KIF1A: variants seen among roughly 807,000 people sequenced by gnomAD.
KIF1A encodes the protein kinesin-like protein KIF1A.
KIF1A carries 46 observed loss-of-function variants against 227.3 expected under a neutral mutation model. The observed-to-expected ratio is 0.20, with a 90% CI of 0.16 to 0.26. KIF1A has a LOEUF of 0.26. Among genes scored for constraint, KIF1A ranks in the 10% least tolerant of loss-of-function variants. The pLI is 1.00. For missense variants in KIF1A, 1,683 were observed against 2,485.9 expected (o/e 0.68, Z 6.87); for synonymous variants, 1,022 against 1,012.8 (o/e 1.01, Z -0.17).
rs2054734574 is a variant in KIF1A at position 240,786,228 on chromosome 2, A to G, written c.608+107T>C. The G allele has an allele frequency of 9.7e-6, 11 of 1,134,460 alleles. No individual in the cohort carries two copies. In the South Asian group the frequency reaches 1.5e-4, roughly 16 times the overall value. 70.3% of individuals were successfully genotyped at this position (1,134,460 alleles called of 1,614,324 possible). A position where few individuals can be genotyped will look rare whatever the true frequency, so the allele number is the denominator to read the frequency against. The stretch of plus-strand genomic sequence containing the variant: ...CAGGAGGCCACACCTCCGCGGGGGC[A>G]CAGATGGACCCTACCAAAAAGGGCC... On this transcript the variant is annotated intron_variant, in intron 6 of 48. Coordinates refer to ENST00000498729, the MANE Select transcript of KIF1A (RefSeq NM_001244008.2).
intron 43 of KIF1A, 110 bp from the exon 44 acceptor site, chr2:240,721,994 G>GC (rs1328204304): frequency 1.2e-6 from 1 of 841,522 alleles, no homozygotes; most frequent in African/African-American, 1.7e-5. Flanking sequence ...GGGTTCCGAC[G>GC]CCAGAGCACA....
chr2:240,796,338 G>A (rs190310999), intron 2 of KIF1A, among the ~76,000 whole-genome samples: 7 of 152,324 alleles, frequency 4.6e-5, no homozygotes, highest in African/African-American at 9.6e-5. Flanking sequence ...TGCAGCGAGC[G>A]TTGTTGGAAA....
chr2:240,743,026 G>A, intron 33 of KIF1A, 42 bp from the exon 34 acceptor site: 1 of 1,527,548 alleles, frequency 6.5e-7, no homozygotes, highest in African/African-American at 1.4e-5. Flanking sequence ...CGGGACCCTG[G>A]GCGGGAGGGG....
intron 18 of KIF1A, 66 bp from the exon 19 acceptor site, chr2:240,767,087 G>A: frequency 7.6e-7 from 1 of 1,317,110 alleles, no homozygotes; most frequent in Non-Finnish European, 1.1e-6. Context: ...CCACCCACTG[G>A]CCTCCAGGGA....
At chr2:240,724,467 G>A (rs148122611) in intron 40 of KIF1A, 8 of 240,848 alleles carry the variant, frequency 3.3e-5, no homozygotes, top group African/African-American at 6.9e-5. Context: ...CAGACAGGTC[G>A]GTGGCATCCC....
chr2:240,753,122 A>C (rs4676448), intron 27 of KIF1A, among the ~76,000 whole-genome samples: 101,339 of 152,148 alleles, frequency 0.67, 35,475 homozygotes, highest in African/African-American at 0.9. Context: ...CTTCTGAGCT[A>C]CCCAGGACCA....
At chr2:240,796,844 C>T (rs574689613) in intron 2 of KIF1A, among the ~76,000 whole-genome samples, 1 of 152,172 alleles carries the variant, frequency 6.6e-6, no homozygotes, top group Admixed American at 6.5e-5. Flanking sequence ...GAGCAGGCCT[C>T]GGAGACTAAA....
At chr2:240,765,928 C>T in intron 19 of KIF1A, 135 bp from the exon 20 acceptor site, 1 of 665,388 alleles carries the variant, frequency 1.5e-6, no homozygotes, top group Non-Finnish European at 2.7e-6. Flanking sequence ...CAGGCCGTGA[C>T]CATTGGCAAC....
chr2:240,765,279 G>C (rs902831037), intron 20 of KIF1A, among the ~76,000 whole-genome samples: 1 of 152,134 alleles, frequency 6.6e-6, no homozygotes, highest in African/African-American at 2.4e-5. Context: ...AACCCCACCC[G>C]GGGTGCTGCA....
Position 240,789,413 on chromosome 2 carries a change from GC to G in KIF1A, c.107-102del. The G allele has an allele frequency of 2.0e-6, 2 of 992,880 alleles. No homozygotes were observed. Among genetic ancestry groups the G allele is most frequent in the Non-Finnish European group, 3.2e-6 (2 of 633,060 alleles). The allele number at this position is 992,880 out of a possible 1,614,324, so 61.5% of individuals were successfully genotyped here. ...GGGAGATGGTCTTAAGAGGCCTCGG[GC>G]CCCAGACAAGCCAGGCCCCCAAATT... On this transcript the variant is annotated intron_variant, in intron 2 of 48. Transcript: ENST00000498729. This position sits in a 1 kb window ranked among gnomAD's most constrained non-coding sequence, Gnocchi z 4.8.
In KIF1A at chr2:240,783,026, C is replaced by G. The variant is rs1342492624; in HGVS notation, c.864+18G>C. 1.2e-6 allele frequency: 2 copies of G among 1,605,348 alleles called. No individual in the cohort carries two copies. Among genetic ancestry groups the G allele is most frequent in the South Asian group, 2.2e-5 (2 of 90,948 alleles). On this transcript the variant is annotated intron_variant, in intron 9 of 48. Transcript: ENST00000498729. Reference sequence around the variant, plus strand: ...CCCTCTGGGGTTCTGGCTATGGAAGCCGGGCCGGGCCACTCACCATTTCAG... The same window carrying G: ...CCCTCTGGGGTTCTGGCTATGGAAGGCGGGCCGGGCCACTCACCATTTCAG...
chr2:240,769,117 C>G lies in KIF1A; in HGVS notation c.1497+16G>C, dbSNP rs772151034. 1.2e-5 allele frequency: 19 copies of G among 1,601,262 alleles called. No homozygotes were observed. In the South Asian group the frequency reaches 2.1e-4, roughly 18 times the overall value. On this transcript the variant is annotated intron_variant, in intron 17 of 48. Transcript: ENST00000498729. ...TTCAGATGAGGGCAGTACCACAGAA[C>G]TGAGATAGCTCCTACCTTTTTGGGA...
chr2:240,796,990 T>C (rs1159538797), intron 2 of KIF1A, among the ~76,000 whole-genome samples: 1 of 152,122 alleles, frequency 6.6e-6, no homozygotes, highest in African/African-American at 2.4e-5. Flanking sequence ...ATTGTCCACA[T>C]CCTGAAGACC....
At chr2:240,751,640 T>G (rs1175410256) in intron 27 of KIF1A, among the ~76,000 whole-genome samples, 1 of 152,092 alleles carries the variant, frequency 6.6e-6, no homozygotes, top group African/African-American at 2.4e-5. Flanking sequence ...CACCCTGCCA[T>G]GGCCCCCACA....
intron 1 of KIF1A, among the ~76,000 whole-genome samples, chr2:240,802,644 A>T (rs2057067323): frequency 6.6e-6 from 1 of 152,156 alleles, no homozygotes; most frequent in Non-Finnish European, 1.5e-5. Flanking sequence ...TATTTTGTTT[A>T]TTTAGTTTGA....
chr2:240,806,763 T>C (rs2057436623), intron 1 of KIF1A, among the ~76,000 whole-genome samples: 1 of 151,976 alleles, frequency 6.6e-6, no homozygotes, highest in African/African-American at 2.4e-5. Context: ...AATAGAAACA[T>C]GAATTTTCCT....
At chr2:240,750,653 G>T in intron 27 of KIF1A, 106 bp from the exon 28 acceptor site, 1 of 820,438 alleles carries the variant, frequency 1.2e-6, no homozygotes, top group Non-Finnish European at 2.0e-6. Context: ...GAGCTGCAAA[G>T]CAGAGGGAAG....
rs549676482 is a variant in KIF1A, at chr2:240,789,721, G to A, written c.107-409C>T. On this transcript the variant is annotated intron_variant, in intron 2 of 48. Coordinates refer to ENST00000498729, the MANE Select transcript of KIF1A (RefSeq NM_001244008.2). The surrounding 1 kb of genome is among the most constrained non-coding windows in gnomAD (Gnocchi z 4.8). ...TCAGGCCTTTATGCTCCGGCTCAGC[G>A]TGCACGTGCCCGAGAAGCGCTGGAA... Among the ~76,000 whole-genome samples, 3 of 152,132 alleles carry A rather than the reference G, an allele frequency of 2.0e-5. No individual in the cohort carries two copies. Among genetic ancestry groups the A allele is most frequent in the Middle Eastern group, 3.2e-3 (1 of 316 alleles).
intron 1 of KIF1A, among the ~76,000 whole-genome samples, chr2:240,810,591 C>G (rs1317438146): frequency 6.6e-6 from 1 of 152,192 alleles, no homozygotes; most frequent in African/African-American, 2.4e-5. Context: ...GAGAAATACA[C>G]CCAAATGCAG....
Sources: gnomAD v4.1 joint callset for allele counts (sites outside exome capture counted in the v4.1 genomes callset) on GRCh38, gnomAD v4.1.1 for gene constraint, Gnocchi (gnomAD v3.1) non-coding constraint, MANE v1.5 for transcripts, NCBI Gene and HGNC (gene_info 2026-07-23, HGNC 2026-07-21) for gene names.